ATAD5: variants seen among roughly 807,000 people sequenced by gnomAD.
ATAD5 encodes ATPase family AAA domain-containing protein 5.
Under a neutral mutation model 176.9 loss-of-function variants are expected in ATAD5, and 58 were observed. That is an observed-to-expected ratio of 0.33 (90% CI 0.27 to 0.41). The LOEUF (loss-of-function observed/expected upper bound fraction) is 0.41, where lower values mean the gene tolerates loss of function less well. Ranked by LOEUF, ATAD5 falls within the 10% of genes least tolerant of loss-of-function variation. The pLI is 1.00. For synonymous variants in ATAD5, 640 were observed against 712.6 expected, an observed-to-expected ratio of 0.90 and a Z score of 1.62; for missense variants, 1,789 against 2,094.1, an observed-to-expected ratio of 0.85 and a Z score of 2.84.
At chr17:30,832,553 G>A in intron 1 of ATAD5, 140 bp downstream of exon 1, 1 of 785,758 alleles carries the variant, frequency 1.3e-6, no homozygotes, top group Non-Finnish European at 1.8e-6. Context: ...GACACATTGT[G>A]TGCAACAGTT....
intron 10 of ATAD5, among the ~76,000 whole-genome samples, chr17:30,863,664 CT>C (rs58611804): frequency 5.7e-4 from 61 of 107,250 alleles, no homozygotes; most frequent in Admixed American, 8.6e-4. Flanking sequence ...CCGCGTCCGG[CT>C]TTTTTTTTTT....
At position 30,844,005 on chromosome 17, in the gene ATAD5, A is replaced by G; in HGVS notation, c.2334A>G (p.Gly778=). 1 of 1,557,918 alleles carries G rather than the reference A, an allele frequency of 6.4e-7. No individual in the cohort carries two copies. The highest frequency in any genetic ancestry group is 8.7e-7 in the Non-Finnish European group (1 of 1,155,502). The change falls in exon 5 of 23, where the codon GGA becomes GGG. Residue 778 remains glycine (G), a synonymous_variant. Coordinates refer to ENST00000321990, the MANE Select transcript of ATAD5 (RefSeq NM_024857.5). The part of the protein sequence containing the change: ...KKLQCLNDVL[G]KKLNTSTKNV... ...TTCAGTGTTTGAATGATGTGCTAGGAAAAAAACTTAACACATCCACTAAAA... is the reference window on the plus strand; with the variant it reads ...TTCAGTGTTTGAATGATGTGCTAGGGAAAAAACTTAACACATCCACTAAAA...
intron 1 of ATAD5, 132 bp downstream of exon 1, chr17:30,832,545 C>A: frequency 2.3e-6 from 2 of 871,576 alleles, no homozygotes; most frequent in Non-Finnish European, 3.2e-6. Flanking sequence ...ACAGCTGTGA[C>A]ACATTGTGTG....
chr17:30,844,941 T>G, intron 6 of ATAD5, 25 bp downstream of exon 6: 2 of 1,521,280 alleles, frequency 1.3e-6, no homozygotes, highest in South Asian at 2.4e-5. Flanking sequence ...AATTTTTAAA[T>G]GCCAAAATAT....
chr17:30,885,385 C>T (rs567262844), intron 18 of ATAD5, among the ~76,000 whole-genome samples: 3 of 152,128 alleles, frequency 2.0e-5, no homozygotes, highest in African/African-American at 4.8e-5. Flanking sequence ...ATGTTATCTG[C>T]GAACAGAGAT....
chr17:30,855,260 G>T lies in ATAD5; in HGVS notation c.2568G>T (p.Ala856=). 3 of 1,614,106 alleles carry T rather than the reference G, an allele frequency of 1.9e-6. No individual in the cohort carries two copies. Among genetic ancestry groups the T allele is most frequent in the Non-Finnish European group, 2.5e-6 (3 of 1,180,002 alleles). ...LKRQIAKKAA[A]LDVYNAVSTS... is the part of the protein sequence containing the mutation. ...GGCAAATTGCAAAGAAAGCTGCTGC[G>T]CTGGATGTGTACAATGCAGTGAGTA... is the stretch of plus-strand genomic sequence containing the variant. The change falls in exon 7 of 23, where the codon GCG becomes GCT. Residue 856 remains alanine, a synonymous_variant. Transcript: ENST00000321990.
At chr17:30,873,887 C>T (rs925353086) in intron 14 of ATAD5, among the ~76,000 whole-genome samples, 1 of 151,928 alleles carries the variant, frequency 6.6e-6, no homozygotes, top group Non-Finnish European at 1.5e-5. Context: ...AGTCTTTGGG[C>T]CGGGTACAGT....
Position 30,893,625 on chromosome 17 carries a change from G to C in ATAD5, c.4772G>C (p.Ser1591Thr). 6.2e-7 allele frequency: 1 copy of C among 1,613,904 alleles called. No individual in the cohort carries two copies. Among genetic ancestry groups the C allele is most frequent in the Non-Finnish European group, 8.5e-7 (1 of 1,179,944 alleles). Residue 1591 changes from serine (S) to threonine (T), a missense_variant, in exon 21 of 23, where the codon AGC becomes ACC. Around this residue, in one of 6 missense-constraint regions of ATAD5, gnomAD observed 403 missense variants for 495.1 expected, o/e 0.81. Coordinates refer to ENST00000321990, the MANE Select transcript of ATAD5 (RefSeq NM_024857.5). ...TTGGACTTTCCTGATCAATCTATTA[G>C]CCTGTCCTCTGTATCATCTTCCTCA... ...TDLDFPDQSISLSSVSSSSNA... is the reference protein window; with the variant it reads ...TDLDFPDQSITLSSVSSSSNA...
intron 10 of ATAD5, among the ~76,000 whole-genome samples, chr17:30,865,394 G>C (rs1040277279): frequency 5.9e-5 from 9 of 151,896 alleles, no homozygotes; most frequent in African/African-American, 1.5e-4. Flanking sequence ...GGATGGTATC[G>C]ATCTCCTGAC....
Position 30,868,387 on chromosome 17 carries a change from G to A in ATAD5, c.3288G>A (p.Lys1096=). 6.4e-7 allele frequency: 1 copy of A among 1,568,760 alleles called. No individual in the cohort carries two copies. The change falls in exon 12 of 23, where the codon AAG becomes AAA. Residue 1096 remains lysine (K), a synonymous_variant. Transcript: ENST00000321990. ...AATTGGAAGAAAGGCAGAATCTGAAGGGAAAAAGAGATGAGAAACATGAAG... is the reference window on the plus strand; with the variant it reads ...AATTGGAAGAAAGGCAGAATCTGAAAGGAAAAAGAGATGAGAAACATGAAG... ...RAELEERQNL[K]GKRDEKHEDF...
chr17:30,881,502 C>T (rs1202851633), intron 18 of ATAD5, among the ~76,000 whole-genome samples: 1 of 152,160 alleles, frequency 6.6e-6, no homozygotes, highest in African/African-American at 2.4e-5. Flanking sequence ...GGGATTTCGC[C>T]ATGTTGGCCA....
intron 18 of ATAD5, among the ~76,000 whole-genome samples, chr17:30,885,162 T>C (rs1909245084): frequency 6.6e-6 from 1 of 152,158 alleles, no homozygotes; most frequent in Non-Finnish European, 1.5e-5. Flanking sequence ...GTTTCTTAGG[T>C]TTTTCTTTGC....
At chr17:30,844,747 CAAAAAAAAAAA>C (rs569986111) in intron 5 of ATAD5, 77 bp from the exon 6 acceptor site, 20 of 347,008 alleles carry the variant, frequency 5.8e-5, no homozygotes, top group East Asian at 2.1e-4. Context: ...GACTCCATCT[CAAAAAAAAAAA>C]AAAAAAAAAA....
intron 5 of ATAD5, among the ~76,000 whole-genome samples, 164 bp from the exon 6 acceptor site, chr17:30,844,671 C>G (rs1240324236): frequency 7.0e-6 from 1 of 142,410 alleles, no homozygotes; most frequent in Non-Finnish European, 1.5e-5. Context: ...TCACTTGAGC[C>G]CTGGAGGTGG....
chr17:30,860,440 G>A lies in ATAD5; in HGVS notation c.2964G>A (p.Glu988=), dbSNP rs1907557546. 1.3e-6 allele frequency: 2 copies of A among 1,588,728 alleles called. No homozygotes were observed. The highest frequency in any genetic ancestry group is 1.7e-6 in the Non-Finnish European group (2 of 1,174,268). Residue 988 remains glutamate (E), a synonymous_variant, in exon 10 of 23, where the codon GAG becomes GAA. Transcript: ENST00000321990. ...CTTTAATTCCCAAAGCAGAACTGGA[G>A]GCTGATGTCAGCCATAAAGAAACCA... The part of the protein sequence containing the change: ...SSECHSKQEL[E]ADVSHKETKR...
intron 6 of ATAD5, among the ~76,000 whole-genome samples, chr17:30,847,168 G>C (rs1906558433): frequency 6.6e-6 from 1 of 152,100 alleles, no homozygotes; most frequent in African/African-American, 2.4e-5. Flanking sequence ...TCTGCTTTCT[G>C]TTGGTATAGA....
At chr17:30,837,966 G>C (rs1480143543) in intron 3 of ATAD5, among the ~76,000 whole-genome samples, 2 of 152,152 alleles carry the variant, frequency 1.3e-5, no homozygotes, top group Non-Finnish European at 2.9e-5. Flanking sequence ...TCTCAACCTT[G>C]CTATTATTGA....
rs1345686452 is a variant in ATAD5, at chr17:30,878,092, A to T, written c.4008A>T (p.Thr1336=). 1.2e-6 allele frequency: 2 copies of T among 1,601,686 alleles called. No homozygotes were observed. Residue 1336 remains threonine, a synonymous_variant, in exon 17 of 23, where the codon ACA becomes ACT. Transcript: ENST00000321990. ...ATTKRPVILT[T]SDPTFSLMFD... ...CTAAACGACCTGTAATCCTTACTACAAGTGGTAGGTAACAATGATTTTACT... is the reference window on the plus strand; with the variant it reads ...CTAAACGACCTGTAATCCTTACTACTAGTGGTAGGTAACAATGATTTTACT...
Position 30,834,422 on chromosome 17 carries a change from G to A in ATAD5, c.341G>A (p.Arg114Lys). Residue 114 changes from arginine to lysine, a missense_variant, in exon 2 of 23, where the codon AGA becomes AAA. Arg to Lys is a conservative substitution (Grantham distance 26, BLOSUM62 2). Around this residue, in one of 6 missense-constraint regions of ATAD5, gnomAD observed 696 missense variants for 712.5 expected, o/e 0.98. Coordinates refer to ENST00000321990, the MANE Select transcript of ATAD5 (RefSeq NM_024857.5). ...TCAAATGTAGAGTTTAAGAAGAAAAGAAAGAGGGTTAATTTATCTCATCAA... is the reference window on the plus strand; with the variant it reads ...TCAAATGTAGAGTTTAAGAAGAAAAAAAAGAGGGTTAATTTATCTCATCAA... ...MFSNVEFKKK[R>K]KRVNLSHQLN... 6.3e-7 allele frequency: 1 copy of A among 1,599,188 alleles called. No individual in the cohort carries two copies. The highest frequency in any genetic ancestry group is 8.5e-7 in the Non-Finnish European group (1 of 1,174,408).
Sources: gnomAD v4.1 joint callset for allele counts (sites outside exome capture counted in the v4.1 genomes callset) on GRCh38, gnomAD v4.1.1 for gene constraint, gnomAD v4.1.1 regional missense constraint, MANE v1.5 for transcripts, NCBI Gene and HGNC (gene_info 2026-07-23, HGNC 2026-07-21) for gene names.